The following ZBTB40 variants were observed in gnomAD, a reference collection of about 807,000 sequenced individuals.
The protein encoded by ZBTB40 is zinc finger and BTB domain-containing protein 40.
A neutral mutation model predicts 117.5 loss-of-function variants in ZBTB40; 60 were observed. The observed-to-expected ratio is 0.51, with a 90% CI of 0.41 to 0.63. The LOEUF (loss-of-function observed/expected upper bound fraction) is 0.63, where lower values mean the gene tolerates loss of function less well. ZBTB40 is among the 30% of genes least tolerant of loss of function. The pLI is 0.00. For synonymous variants in ZBTB40, 525 were observed against 577.1 expected (o/e 0.91, Z 1.29); for missense variants, 1,287 against 1,498.5 (o/e 0.86, Z 2.33).
At chr1:22,515,804 C>T (rs56085942) in intron 12 of ZBTB40, among the ~76,000 whole-genome samples, 1,553 of 152,274 alleles carry the variant, frequency 0.01, 16 homozygotes, top group Non-Finnish European at 0.017. Context: ...GCCATTATCC[C>T]GCCTACCACA....
Position 22,513,197 on chromosome 1 carries a change from T to G in ZBTB40, c.2668+67T>G, listed in dbSNP as rs1639289169. The stretch of plus-strand genomic sequence containing the variant: ...GCGAACTGCCTAAACCCCATTTGGA[T>G]TAGGTGTGATATATATCTCAAAAAC... On this transcript the variant is annotated intron_variant, in intron 12 of 17. Coordinates refer to ENST00000375647, the MANE Select transcript of ZBTB40 (RefSeq NM_014870.4). The surrounding 1 kb of genome is among the most constrained non-coding windows in gnomAD (Gnocchi z 4.9). The G allele has an allele frequency of 2.0e-6, 3 of 1,537,832 alleles. No individual in the cohort carries two copies. The East Asian group carries it at 7.1e-5, about 36-fold the overall frequency.
chr1:22,460,249 G>A lies in ZBTB40; in HGVS notation c.-70+8245G>A, dbSNP rs117579718. Among the ~76,000 whole-genome samples, 28 of 152,262 alleles carry A rather than the reference G, an allele frequency of 1.8e-4. No individual in the cohort carries two copies. In the East Asian group the frequency reaches 5.2e-3, roughly 28 times the overall value. On this transcript the variant is annotated intron_variant, in intron 1 of 17. Coordinates refer to ENST00000375647, the MANE Select transcript of ZBTB40 (RefSeq NM_014870.4). ...AAGGTGGGTGAAAGAGTGAGAGCCCGTTAGACTCTATTTGGAAAGGTCATC... is the reference window on the plus strand; with the variant it reads ...AAGGTGGGTGAAAGAGTGAGAGCCCATTAGACTCTATTTGGAAAGGTCATC...
intron 1 of ZBTB40, among the ~76,000 whole-genome samples, chr1:22,454,288 A>G (rs910911050): frequency 1.3e-5 from 2 of 152,214 alleles, no homozygotes; most frequent in Non-Finnish European, 2.9e-5. Context: ...TGTACCAAGC[A>G]CCACTGTCTA....
intron 3 of ZBTB40, among the ~76,000 whole-genome samples, 197 bp downstream of exon 3, chr1:22,491,730 A>T (rs982931949): frequency 1.3e-5 from 2 of 151,912 alleles, no homozygotes; most frequent in Non-Finnish European, 2.9e-5. Context: ...ATGACATTAC[A>T]TCTTGATCAC....
chr1:22,458,247 G>A (rs941138431), intron 1 of ZBTB40, among the ~76,000 whole-genome samples: 5 of 152,128 alleles, frequency 3.3e-5, no homozygotes, highest in Non-Finnish European at 5.9e-5. Context: ...AGCACAGATC[G>A]GAATATGTGA....
At chr1:22,515,681 A>G (rs1191837377) in intron 12 of ZBTB40, among the ~76,000 whole-genome samples, 1 of 152,144 alleles carries the variant, frequency 6.6e-6, no homozygotes, top group African/African-American at 2.4e-5. Flanking sequence ...GGATAATCCA[A>G]GACAACCCCC....
intron 1 of ZBTB40, among the ~76,000 whole-genome samples, chr1:22,452,274 C>A (rs974073315): frequency 6.6e-6 from 1 of 152,190 alleles, no homozygotes; most frequent in Admixed American, 6.5e-5. Flanking sequence ...CCGCCTGGGG[C>A]TCGCTGTCGC....
chr1:22,515,786 C>A (rs1266829452), intron 12 of ZBTB40, among the ~76,000 whole-genome samples: 2 of 152,194 alleles, frequency 1.3e-5, no homozygotes, highest in Admixed American at 1.3e-4. Context: ...ACATGGACAT[C>A]TTTGGGGGCC....
chr1:22,436,840 T>C (rs184888564), intron 1 of ZBTB40, among the ~76,000 whole-genome samples: 1 of 152,276 alleles, frequency 6.6e-6, no homozygotes, highest in Admixed American at 6.5e-5. Context: ...ACATGTAACA[T>C]GTTAACATAT....
chr1:22,446,205 G>A (rs1224055253), intron 1 of ZBTB40, among the ~76,000 whole-genome samples: 2 of 145,242 alleles, frequency 1.4e-5, no homozygotes, highest in Non-Finnish European at 3.0e-5. Flanking sequence ...GGATATGTCA[G>A]TAGAAGCCTC....
chr1:22,444,189 G>A (rs1199526700), intron 1 of ZBTB40, among the ~76,000 whole-genome samples: 1 of 152,116 alleles, frequency 6.6e-6, no homozygotes, highest in Non-Finnish European at 1.5e-5. Flanking sequence ...ACGGCAAGTG[G>A]ATCACTTGAG....
chr1:22,449,554 T>G (rs1013234789), upstream of ZBTB40, among the ~76,000 whole-genome samples: 1 of 152,216 alleles, frequency 6.6e-6, no homozygotes, highest in African/African-American at 2.4e-5. Context: ...TAAATGGTGA[T>G]GGGGAAACTG....
At chr1:22,429,360 G>T (rs1640546870) in intron 1 of ZBTB40, among the ~76,000 whole-genome samples, 1 of 151,274 alleles carries the variant, frequency 6.6e-6, no homozygotes, top group East Asian at 2.0e-4. Flanking sequence ...CAGCCTGGGC[G>T]ATAGAGCAAG....
intron 10 of ZBTB40, 55 bp downstream of exon 10, chr1:22,511,402 TTGAAGAAA>T: frequency 6.2e-7 from 1 of 1,603,960 alleles, no homozygotes. Context: ...AGGTTGTTTC[TTGAAGAAA>T]GAGACAGCAT....
chr1:22,501,355 A>C, intron 3 of ZBTB40, 137 bp from the exon 4 acceptor site: 4 of 888,300 alleles, frequency 4.5e-6, no homozygotes, highest in Non-Finnish European at 7.3e-6. Context: ...GCTGCTGGGG[A>C]AGAAAGTGCA....
intron 1 of ZBTB40, among the ~76,000 whole-genome samples, chr1:22,441,056 T>C (rs1004007790): frequency 6.6e-6 from 1 of 152,184 alleles, no homozygotes; most frequent in Non-Finnish European, 1.5e-5. Flanking sequence ...ATAATTGGTA[T>C]TAGTTGTTCT....
intron 1 of ZBTB40, among the ~76,000 whole-genome samples, chr1:22,472,832 T>C (rs1355559362): frequency 6.6e-6 from 1 of 152,192 alleles, no homozygotes; most frequent in Non-Finnish European, 1.5e-5. Flanking sequence ...TCTAGTTACT[T>C]TGGCAGCAAC....
At chr1:22,454,807 G>C (rs1640967404) in intron 1 of ZBTB40, among the ~76,000 whole-genome samples, 1 of 152,262 alleles carries the variant, frequency 6.6e-6, no homozygotes, top group African/African-American at 2.4e-5. Context: ...GATTAAATAA[G>C]AGAAACTGTA....
intron 3 of ZBTB40, among the ~76,000 whole-genome samples, chr1:22,501,115 C>T (rs986697180): frequency 6.6e-6 from 1 of 151,954 alleles, no homozygotes; most frequent in African/African-American, 2.4e-5. Context: ...GATACAGAGC[C>T]CTAGAAAGCA....
Sources: gnomAD v4.1 joint callset for allele counts (sites outside exome capture counted in the v4.1 genomes callset) on GRCh38, gnomAD v4.1.1 for gene constraint, Gnocchi (gnomAD v3.1) non-coding constraint, MANE v1.5 for transcripts, NCBI Gene and HGNC (gene_info 2026-07-23, HGNC 2026-07-21) for gene names.